SLC20A2: variants seen among roughly 807,000 people sequenced by gnomAD.
The protein encoded by SLC20A2 is solute carrier family 20 member 2.
In SLC20A2, 30 loss-of-function variants were observed where a neutral mutation model predicts 61.0. That is an observed-to-expected ratio of 0.49 (90% CI 0.37 to 0.67). The LOEUF is 0.67. Ranked by LOEUF, SLC20A2 falls within the 30% of genes least tolerant of loss-of-function variation. The pLI, the probability that SLC20A2 is intolerant of heterozygous loss-of-function variation, is 0.00. For missense variants in SLC20A2, 626 were observed against 866.4 expected (o/e 0.72, Z 3.48); for synonymous variants, 351 against 353.3 (o/e 0.99, Z 0.07).
chr8:42,503,427 T>C (rs979563550), upstream of SLC20A2, among the ~76,000 whole-genome samples: 5 of 152,200 alleles, frequency 3.3e-5, no homozygotes, highest in Admixed American at 2.6e-4. Context: ...AATTACTATG[T>C]TTATGAATGT....
At chr8:42,501,609 A>G (rs1810326249), upstream of SLC20A2, 1 of 152,242 alleles carries the variant, frequency 6.6e-6, no homozygotes, top group Non-Finnish European at 1.5e-5. Flanking sequence ...CAGAATATAC[A>G]TATCAGTAAG....
intron 1 of SLC20A2, among the ~76,000 whole-genome samples, chr8:42,519,359 G>A (rs558149751): frequency 2.0e-5 from 3 of 151,918 alleles, no homozygotes; most frequent in South Asian, 2.1e-4. Flanking sequence ...CAGGAGAATC[G>A]CTTGAACCCG....
intron 10 of SLC20A2, among the ~76,000 whole-genome samples, chr8:42,427,551 A>G (rs1342733694): frequency 1.3e-5 from 2 of 152,188 alleles, no homozygotes; most frequent in East Asian, 3.9e-4. Flanking sequence ...TCTCCTGATG[A>G]TCAGTAAGTG....
intron 1 of SLC20A2, among the ~76,000 whole-genome samples, chr8:42,525,600 A>G (rs933257374): frequency 3.3e-5 from 5 of 151,804 alleles, no homozygotes; most frequent in Admixed American, 2.0e-4. Flanking sequence ...AAAAAAAAAA[A>G]AAAAAGAAAG....
chr8:42,460,575 G>A lies in SLC20A2; in HGVS notation c.517-583C>T, dbSNP rs557509125. On this transcript the variant is annotated intron_variant, in intron 4 of 10. Coordinates refer to ENST00000520262, the MANE Select transcript of SLC20A2 (RefSeq NM_001257180.2). ...TCCCAAGGTATAGTATTTAACCTTC[G>A]ACTATTAGAAGTTAAAAAGAACTGC... 2.6e-5 allele frequency among the ~76,000 whole-genome samples: 4 copies of A among 152,238 alleles called. No homozygotes were observed. In the South Asian group the frequency reaches 8.3e-4, roughly 32 times the overall value.
rs550334502 is a variant in SLC20A2 at position 42,473,723 on chromosome 8, T to C, written c.-264-1069A>G. Among the ~76,000 whole-genome samples, 12 of 152,336 alleles carry C rather than the reference T, an allele frequency of 7.9e-5. 1 individual carries two copies. The South Asian group carries it at 2.3e-3, about 29-fold the overall frequency. ...GAGCCAAGGCACTGTATATTTTCTT[T>C]GAATGGTATCAAGCATATAAATGCT... On this transcript the variant is annotated intron_variant, in intron 1 of 10. Transcript: ENST00000520262.
chr8:42,443,054 T>C (rs1238027956), intron 6 of SLC20A2, among the ~76,000 whole-genome samples: 1 of 151,700 alleles, frequency 6.6e-6, no homozygotes, highest in Non-Finnish European at 1.5e-5. Flanking sequence ...TTTTAAAAAC[T>C]GTTTTCCTTT....
rs1174982566 is a variant in SLC20A2 at position 42,495,387 on chromosome 8, A to G, written c.-265+5644T>C. Among the ~76,000 whole-genome samples, 4 of 152,286 alleles carry G rather than the reference A, an allele frequency of 2.6e-5. No homozygotes were observed. The East Asian group carries it at 7.7e-4, about 29-fold the overall frequency. On this transcript the variant is annotated intron_variant, in intron 1 of 10. Transcript: ENST00000520262. ...GAAGTTCATGGGTTTCACAGACTCT[A>G]CTTATATTGAAAGGCTCATTCAGGG... is the stretch of plus-strand genomic sequence containing the variant.
chr8:42,487,288 C>A (rs1809103560), intron 1 of SLC20A2, among the ~76,000 whole-genome samples: 1 of 151,360 alleles, frequency 6.6e-6, no homozygotes, highest in Non-Finnish European at 1.5e-5. Flanking sequence ...CGCCATTCTC[C>A]TGCCTCAGCC....
intron 10 of SLC20A2, among the ~76,000 whole-genome samples, chr8:42,420,137 G>C (rs188343590): frequency 1.1e-3 from 170 of 151,286 alleles, no homozygotes; most frequent in African/African-American, 2.3e-3. Flanking sequence ...AGTGAGCCGA[G>C]ATGGCACCAC....
chr8:42,535,930 C>T (rs1812667735), intron 1 of SLC20A2, among the ~76,000 whole-genome samples: 1 of 152,096 alleles, frequency 6.6e-6, no homozygotes, highest in Non-Finnish European at 1.5e-5. Context: ...CTCTCCAACC[C>T]TAAAATTCAT....
rs117192353 is a variant in SLC20A2 at position 42,506,999 on chromosome 8, C to T, written c.-264-34345G>A. 1.4e-3 allele frequency among the ~76,000 whole-genome samples: 213 copies of T among 152,322 alleles called. 6 individuals carry two copies. In the East Asian group the frequency reaches 0.034, roughly 24 times the overall value. On this transcript the variant is annotated intron_variant, in intron 1 of 10. Coordinates refer to the SLC20A2 transcript ENST00000342228. Reference sequence around the variant, plus strand: ...CACATGGAGTGGGGATGCACCATCACTGCTGAGTCCCTGCCACTGGTCAGC... The same window carrying T: ...CACATGGAGTGGGGATGCACCATCATTGCTGAGTCCCTGCCACTGGTCAGC...
intron 1 of SLC20A2, among the ~76,000 whole-genome samples, chr8:42,488,827 G>A (rs1371909227): frequency 6.6e-6 from 1 of 151,766 alleles, no homozygotes; most frequent in Non-Finnish European, 1.5e-5. Flanking sequence ...CTTTTCACAT[G>A]CTTGTTGGCC....
At chr8:42,502,753 G>A (rs892720268), upstream of SLC20A2, 1 of 152,248 alleles carries the variant, frequency 6.6e-6, no homozygotes, top group African/African-American at 2.4e-5. Flanking sequence ...TGAAAGGAGA[G>A]AAGTCAGCAC....
intron 5 of SLC20A2, among the ~76,000 whole-genome samples, chr8:42,454,265 G>A (rs1206558499): frequency 6.6e-6 from 1 of 152,198 alleles, no homozygotes; most frequent in Non-Finnish European, 1.5e-5. Flanking sequence ...GCCTCCCGAA[G>A]TGCTGAGATT....
At chr8:42,461,455 T>TTC (rs1322006115) in intron 4 of SLC20A2, among the ~76,000 whole-genome samples, 2 of 119,862 alleles carry the variant, frequency 1.7e-5, no homozygotes, top group African/African-American at 8.6e-5. Context: ...TTCAAATATC[T>TTC]TTTTTTTTTT....
chr8:42,467,140 C>T (rs1055484633), intron 2 of SLC20A2, among the ~76,000 whole-genome samples: 2 of 152,078 alleles, frequency 1.3e-5, no homozygotes, highest in African/African-American at 4.8e-5. Context: ...GTTGATGGTG[C>T]CTCTCCTATG....
At chr8:42,425,824 C>T (rs927225058) in intron 10 of SLC20A2, among the ~76,000 whole-genome samples, 3 of 151,838 alleles carry the variant, frequency 2.0e-5, no homozygotes, top group Non-Finnish European at 2.9e-5. Context: ...GGGCGGATCA[C>T]GAGGTCAGGA....
At chr8:42,507,142 G>A (rs1810755934) in intron 1 of SLC20A2, among the ~76,000 whole-genome samples, 1 of 152,198 alleles carries the variant, frequency 6.6e-6, no homozygotes, top group African/African-American at 2.4e-5. Context: ...GTGCCCTACA[G>A]AACTGTGAGG....
Sources: gnomAD v4.1 joint callset for allele counts (sites outside exome capture counted in the v4.1 genomes callset) on GRCh38, gnomAD v4.1.1 for gene constraint, MANE v1.5 for transcripts, NCBI Gene and HGNC (gene_info 2026-07-23, HGNC 2026-07-21) for gene names.